BTAF1: variants seen among roughly 807,000 people sequenced by gnomAD.
The protein encoded by BTAF1 is B-TFIID TATA-box binding protein associated factor 1.
In BTAF1, 38 loss-of-function variants were observed where a neutral mutation model predicts 227.1. The observed-to-expected ratio is 0.17, with a 90% CI of 0.13 to 0.22. BTAF1 has a LOEUF of 0.22. Among genes scored for constraint, BTAF1 ranks in the 10% least tolerant of loss-of-function variants. BTAF1 has a pLI of 1.00. For missense variants in BTAF1, 1,598 were observed against 2,204.0 expected (o/e 0.73, Z 5.51); for synonymous variants, 742 against 751.9 (o/e 0.99, Z 0.21).
chr10:92,028,010 A>G (rs1020823106), intron 37 of BTAF1, among the ~76,000 whole-genome samples: 1 of 152,212 alleles, frequency 6.6e-6, no homozygotes, highest in Admixed American at 6.5e-5. Flanking sequence ...CACATTTGAA[A>G]TATGTCTAGT....
chr10:91,963,446 G>A (rs1285816789), intron 12 of BTAF1, among the ~76,000 whole-genome samples: 1 of 150,624 alleles, frequency 6.6e-6, no homozygotes, highest in Non-Finnish European at 1.5e-5. Flanking sequence ...ATTATTTTTT[G>A]TAGTGATGGG....
intron 15 of BTAF1, 75 bp downstream of exon 15, chr10:91,980,633 TCTGTTGG>T (rs1847993896): frequency 8.8e-7 from 1 of 1,140,448 alleles, no homozygotes; most frequent in African/African-American, 1.5e-5. Context: ...TAATTGCTGT[TCTGTTGG>T]TCATTCATAT....
intron 17 of BTAF1, 140 bp from the exon 18 acceptor site, chr10:91,982,447 C>A (rs1467786641): frequency 2.5e-5 from 28 of 1,105,146 alleles, no homozygotes; most frequent in Non-Finnish European, 3.4e-5. Flanking sequence ...AGTCATTATA[C>A]CTTCTGTGGG....
intron 2 of BTAF1, among the ~76,000 whole-genome samples, 195 bp from the exon 3 acceptor site, chr10:91,939,757 T>C (rs1013684086): frequency 4.6e-5 from 7 of 152,160 alleles, no homozygotes; most frequent in African/African-American, 1.7e-4. Context: ...TTAAATCCCC[T>C]TTTTAAGGTG....
Position 91,989,211 on chromosome 10 carries a change from C to A in BTAF1, c.2485C>A (p.Gln829Lys). 6.2e-7 allele frequency: 1 copy of A among 1,613,738 alleles called. No individual in the cohort carries two copies. Among genetic ancestry groups the A allele is most frequent in the South Asian group, 1.1e-5 (1 of 91,066 alleles). Residue 829 changes from glutamine to lysine, a missense_variant, in exon 20 of 38, where the codon CAA (glutamine) becomes AAA (lysine). By Grantham distance (53) the Gln-to-Lys change is moderately conservative (BLOSUM62 1). Transcript: ENST00000265990. ...SSFDLNPQVL[Q>K]QLDSKRQQVQ... ...TTTCGATTTAAATCCTCAAGTGTTACAACAGTTAGATAGTAAACGACAGCA... is the reference window on the plus strand; with the variant it reads ...TTTCGATTTAAATCCTCAAGTGTTAAAACAGTTAGATAGTAAACGACAGCA...
chr10:91,991,744 G>A (rs1185103492), intron 20 of BTAF1, among the ~76,000 whole-genome samples: 1 of 149,778 alleles, frequency 6.7e-6, no homozygotes, highest in East Asian at 2.0e-4. Context: ...AACAGAGAAA[G>A]ACCCTGTCTC....
chr10:91,941,862 A>G (rs1024125376), intron 3 of BTAF1, among the ~76,000 whole-genome samples: 14 of 152,250 alleles, frequency 9.2e-5, no homozygotes, highest in Admixed American at 5.2e-4. Flanking sequence ...ACAGTTACAC[A>G]TATACTCACT....
At chr10:91,997,848 C>T (rs372782226) in intron 25 of BTAF1, 97 bp downstream of exon 25, 41 of 1,252,652 alleles carry the variant, frequency 3.3e-5, no homozygotes, top group African/African-American at 1.8e-4. Context: ...AAGGCTCATG[C>T]CTGTAATCCC....
chr10:91,951,711 T>A (rs1042608686), intron 5 of BTAF1, 145 bp downstream of exon 5: 2 of 856,426 alleles, frequency 2.3e-6, no homozygotes, highest in Admixed American at 3.7e-5. Context: ...CATCTTTTTT[T>A]AACTGGATTT....
Position 92,013,855 on chromosome 10 carries a change from ATTC to A in BTAF1, c.4454-41_4454-39del, listed in dbSNP as rs1402079711. 2.5e-6 allele frequency: 4 copies of A among 1,612,676 alleles called. No homozygotes were observed. The African/African-American group carries it at 5.3e-5, about 22-fold the overall frequency. On this transcript the variant is annotated intron_variant, in intron 31 of 37. Transcript: ENST00000265990. ...AACCCTGTGTAAGTGAATATAATTTATTCTTAACTTTTTTGAAGCCATTTTCTC... is the reference window on the plus strand; with the variant it reads ...AACCCTGTGTAAGTGAATATAATTTATTAACTTTTTTGAAGCCATTTTCTC...
intron 3 of BTAF1, 97 bp downstream of exon 3, chr10:91,940,163 C>A: frequency 5.0e-5 from 33 of 656,342 alleles, no homozygotes; most frequent in East Asian, 7.4e-5. Context: ...ATTTTAAAGT[C>A]TTAATTTCCA....
rs200989930 is a variant in BTAF1 at position 91,935,612 on chromosome 10, G to A, written c.15-45G>A. On this transcript the variant is annotated intron_variant, in intron 1 of 37. Coordinates refer to ENST00000265990, the MANE Select transcript of BTAF1 (RefSeq NM_003972.3). The stretch of plus-strand genomic sequence containing the variant: ...TTTATTGACTTAAACTTGTACATAC[G>A]AGGAAAAGCATTTGAGAATAACCAT... The A allele has an allele frequency of 2.8e-5, 45 of 1,600,992 alleles. No homozygotes were observed. The Middle Eastern group carries it at 5.0e-4, about 18-fold the overall frequency.
At chr10:91,934,166 T>C (rs1014380526) in intron 1 of BTAF1, among the ~76,000 whole-genome samples, 2 of 152,220 alleles carry the variant, frequency 1.3e-5, no homozygotes, top group African/African-American at 4.8e-5. Context: ...TTAACTGTGT[T>C]GTATTACTCT....
At chr10:91,978,749 T>C (rs563440826) in intron 14 of BTAF1, among the ~76,000 whole-genome samples, 9 of 151,194 alleles carry the variant, frequency 6.0e-5, no homozygotes, top group Non-Finnish European at 1.2e-4. Flanking sequence ...TCCTGTGTTA[T>C]CAGAAAAGTA....
intron 28 of BTAF1, 135 bp from the exon 29 acceptor site, chr10:92,010,938 C>A: frequency 2.9e-6 from 2 of 689,522 alleles, no homozygotes; most frequent in East Asian, 2.7e-5. Context: ...AGTAGCCCTT[C>A]AGGGTCATGT....
At chr10:91,947,735 CAAAAAAAAAAA>C (rs34292341) in intron 4 of BTAF1, among the ~76,000 whole-genome samples, 1 of 107,358 alleles carries the variant, frequency 9.3e-6, no homozygotes, top group South Asian at 3.9e-4. Flanking sequence ...TCAATGTTTG[CAAAAAAAAAAA>C]AAAAAAAAAA....
At chr10:91,982,905 G>T in intron 18 of BTAF1, 144 bp downstream of exon 18, 1 of 889,540 alleles carries the variant, frequency 1.1e-6, no homozygotes, top group South Asian at 2.2e-5. Context: ...TTATATTGAA[G>T]ATTATTTCTC....
intron 2 of BTAF1, among the ~76,000 whole-genome samples, chr10:91,939,268 CA>C (rs769833087): frequency 2.8e-4 from 42 of 152,088 alleles, no homozygotes; most frequent in Non-Finnish European, 4.7e-4. Flanking sequence ...TGTGGAAATA[CA>C]ATTGATTTTG....
At position 91,960,874 on chromosome 10, in the gene BTAF1, GAT is replaced by G. The variant is rs1331388181; in HGVS notation, c.1263+725_1263+726del. ...CCCTTAGTGGGTTATTAAAAACTCT[GAT>G]ATATTCTGGCTAGGACTTCAGTTCT... On this transcript the variant is annotated intron_variant, in intron 11 of 37. Coordinates refer to ENST00000265990, the MANE Select transcript of BTAF1 (RefSeq NM_003972.3). Among the ~76,000 whole-genome samples the G allele has an allele frequency of 3.3e-5, 5 of 152,156 alleles. No homozygotes were observed. The East Asian group carries it at 9.6e-4, about 29-fold the overall frequency.
Sources: allele counts gnomAD v4.1 joint callset (sites outside exome capture counted in the v4.1 genomes callset), GRCh38; gene constraint gnomAD v4.1.1; transcripts MANE v1.5; gene names NCBI Gene and HGNC (gene_info 2026-07-23, HGNC 2026-07-21).